Variants in MSI2 observed in about 807,000 individuals in gnomAD.
MSI2 encodes musashi RNA binding protein 2, also known as RNA-binding protein Musashi homolog 2.
In MSI2, 17 loss-of-function variants were observed where a neutral mutation model predicts 45.6. The observed-to-expected ratio is 0.37, with a 90% CI of 0.26 to 0.56. The LOEUF is 0.56. Among genes scored for constraint, MSI2 ranks in the 20% least tolerant of loss-of-function variants. The pLI is 0.77. For synonymous variants in MSI2, 156 were observed against 158.2 expected, an observed-to-expected ratio of 0.99 and a Z score of 0.11; for missense variants, 293 against 444.2, an observed-to-expected ratio of 0.66 and a Z score of 3.06.
At chr17:57,258,213 G>C in intron 3 of MSI2, 57 bp from the exon 4 acceptor site, 1 of 1,503,916 alleles carries the variant, frequency 6.6e-7, no homozygotes, top group East Asian at 2.3e-5. Context: ...ACTCCTGGTT[G>C]CTTTCAATGG....
intron 5 of MSI2, among the ~76,000 whole-genome samples, chr17:57,341,883 T>G (rs550549252): frequency 6.6e-6 from 1 of 152,176 alleles, no homozygotes; most frequent in Non-Finnish European, 1.5e-5. Context: ...CCCTCTTTTT[T>G]TCCCCCTTTC....
chr17:57,668,652 G>A (rs1912552138), intron 11 of MSI2, among the ~76,000 whole-genome samples: 1 of 152,188 alleles, frequency 6.6e-6, no homozygotes, highest in South Asian at 2.1e-4. Context: ...GTGTGTAAGA[G>A]GAGCCAGGGG....
intron 6 of MSI2, among the ~76,000 whole-genome samples, chr17:57,483,060 G>C (rs1334962929): frequency 6.6e-6 from 1 of 152,120 alleles, no homozygotes; most frequent in Non-Finnish European, 1.5e-5. Context: ...TGATTCTACT[G>C]ACCATAACAT....
At chr17:57,362,315 ATCT>A (rs1916866279) in intron 5 of MSI2, among the ~76,000 whole-genome samples, 1 of 152,042 alleles carries the variant, frequency 6.6e-6, no homozygotes, top group Non-Finnish European at 1.5e-5. Context: ...GATATGGGAA[ATCT>A]TGTCTTTGTT....
chr17:57,494,244 T>C (rs908532551), intron 6 of MSI2, among the ~76,000 whole-genome samples: 4 of 152,206 alleles, frequency 2.6e-5, no homozygotes, highest in African/African-American at 7.2e-5. Context: ...CCCATTAAAA[T>C]ATAGTATCCT....
intron 11 of MSI2, among the ~76,000 whole-genome samples, chr17:57,658,334 T>C (rs994013329): frequency 7.9e-5 from 12 of 152,254 alleles, no homozygotes; most frequent in African/African-American, 2.9e-4. Flanking sequence ...CAAAGGATCT[T>C]ACCTGAACAC....
intron 6 of MSI2, among the ~76,000 whole-genome samples, chr17:57,404,437 A>C (rs1176954046): frequency 6.6e-6 from 1 of 152,142 alleles, no homozygotes; most frequent in Non-Finnish European, 1.5e-5. Context: ...TGTGCAGCAG[A>C]TATTGGTATC....
At chr17:57,369,136 G>A (rs567030747) in intron 5 of MSI2, among the ~76,000 whole-genome samples, 1 of 152,294 alleles carries the variant, frequency 6.6e-6, no homozygotes, top group East Asian at 1.9e-4. Context: ...TTTACCTCTG[G>A]TGGTGGGAAT....
chr17:57,531,101 G>A (rs181204429), intron 7 of MSI2, among the ~76,000 whole-genome samples: 48 of 152,236 alleles, frequency 3.2e-4, no homozygotes, highest in African/African-American at 9.9e-4. Flanking sequence ...GGTGGTGCCC[G>A]TGGTGGGCAA....
At chr17:57,571,789 C>G (rs1236397756) in intron 7 of MSI2, among the ~76,000 whole-genome samples, 1 of 152,154 alleles carries the variant, frequency 6.6e-6, no homozygotes, top group Non-Finnish European at 1.5e-5. Flanking sequence ...CCTCTCTGTT[C>G]CCAGCTGGGC....
chr17:57,626,104 G>A (rs1908773053), intron 9 of MSI2: 2 of 146,974 alleles, frequency 1.4e-5, no homozygotes, highest in African/African-American at 5.5e-5. Context: ...ATGGCCGGGG[G>A]GGTGGGCCTC....
intron 5 of MSI2, among the ~76,000 whole-genome samples, chr17:57,304,006 G>A (rs1911645478): frequency 6.6e-6 from 1 of 152,172 alleles, no homozygotes; most frequent in Non-Finnish European, 1.5e-5. Context: ...GGAAGGAGCA[G>A]GGAGGGAGAG....
At chr17:57,378,845 C>A (rs1239574038) in intron 5 of MSI2, among the ~76,000 whole-genome samples, 1 of 152,190 alleles carries the variant, frequency 6.6e-6, no homozygotes, top group Non-Finnish European at 1.5e-5. Context: ...AATTATCCCT[C>A]TGTGACTCTG....
At chr17:57,487,322 G>A (rs2143784797) in intron 6 of MSI2, among the ~76,000 whole-genome samples, 1 of 152,322 alleles carries the variant, frequency 6.6e-6, no homozygotes, top group Non-Finnish European at 1.5e-5. Context: ...GTCCCTGTGT[G>A]CTCCATCCTA....
chr17:57,488,768 G>A (rs561700390), intron 6 of MSI2, among the ~76,000 whole-genome samples: 368 of 151,954 alleles, frequency 2.4e-3, no homozygotes, highest in Non-Finnish European at 2.7e-3. Context: ...AGGTTGCAGC[G>A]AGCCGAGATC....
intron 8 of MSI2, among the ~76,000 whole-genome samples, chr17:57,597,466 T>TAAAAAAA (rs35606406): frequency 0.016 from 1,353 of 86,996 alleles, 74 homozygotes; most frequent in African/African-American, 0.036. Flanking sequence ...CCTCATCTCT[T>TAAAAAAA]AAAAAAAAAA....
intron 5 of MSI2, among the ~76,000 whole-genome samples, chr17:57,374,021 A>G (rs2083457878): frequency 6.6e-6 from 1 of 152,184 alleles, no homozygotes; most frequent in African/African-American, 2.4e-5. Context: ...TCTACTTAGT[A>G]AACAGATCAA....
intron 5 of MSI2, among the ~76,000 whole-genome samples, chr17:57,289,034 G>A (rs1356237330): frequency 6.6e-6 from 1 of 152,154 alleles, no homozygotes; most frequent in African/African-American, 2.4e-5. Context: ...TCTATAAGAA[G>A]GGGAAATATT....
At chr17:57,390,378 T>G (rs1038796762) in intron 5 of MSI2, among the ~76,000 whole-genome samples, 1 of 152,186 alleles carries the variant, frequency 6.6e-6, no homozygotes, top group African/African-American at 2.4e-5. Context: ...AAAATACTGA[T>G]GCCCAGGTCT....
Sources: allele counts gnomAD v4.1 joint callset (sites outside exome capture counted in the v4.1 genomes callset), GRCh38; gene constraint gnomAD v4.1.1; transcripts MANE v1.5; gene names NCBI Gene and HGNC (gene_info 2026-07-23, HGNC 2026-07-21).